CEP112: variants seen among roughly 807,000 people sequenced by gnomAD.
CEP112 encodes centrosomal protein 112.
A neutral mutation model predicts 153.0 loss-of-function variants in CEP112; 127 were observed. That is an observed-to-expected ratio of 0.83 (90% confidence interval 0.72 to 0.96). CEP112 has a LOEUF of 0.96. CEP112 is among the 40% of genes least tolerant of loss of function. The pLI is 0.00. For missense variants in CEP112, 1,089 were observed against 1,101.2 expected (o/e 0.99, Z 0.16); for synonymous variants, 358 against 374.4 (o/e 0.96, Z 0.51).
intron 17 of CEP112, among the ~76,000 whole-genome samples, chr17:65,994,599 G>A (rs2145299499): frequency 6.6e-6 from 1 of 152,274 alleles, no homozygotes; most frequent in East Asian, 1.9e-4. Flanking sequence ...AAAGTGCTGG[G>A]ATTTCAGACA....
At chr17:65,878,119 T>G (rs2058905852) in intron 20 of CEP112, among the ~76,000 whole-genome samples, 1 of 152,124 alleles carries the variant, frequency 6.6e-6, no homozygotes, top group Non-Finnish European at 1.5e-5. Flanking sequence ...TATACCAATG[T>G]GACTATAATT....
intron 20 of CEP112, among the ~76,000 whole-genome samples, chr17:65,853,174 T>C (rs956393456): frequency 3.9e-5 from 6 of 152,148 alleles, no homozygotes; most frequent in Non-Finnish European, 7.3e-5. Flanking sequence ...AATCAAGGTG[T>C]TGGCAGAGTT....
chr17:65,778,021 C>A (rs907790719), intron 21 of CEP112, among the ~76,000 whole-genome samples: 1 of 152,000 alleles, frequency 6.6e-6, no homozygotes, highest in East Asian at 1.9e-4. Context: ...CTACCTCAAT[C>A]ATTAGCCCAT....
intron 4 of CEP112, among the ~76,000 whole-genome samples, chr17:66,150,520 C>T (rs140526702): frequency 0.034 from 5,204 of 152,292 alleles, 135 homozygotes; most frequent in Middle Eastern, 0.061. Context: ...CGTGAGCCAT[C>T]GCACCCAGCC....
chr17:65,870,069 G>GAAAGAAAGAAAGAAAAGA lies in CEP112; in HGVS notation c.2164-18053_2164-18036dup, dbSNP rs1598835290. ...AGAAAGAAAGAAAGAAAGAAAGAAA[G>GAAAGAAAGAAAGAAAAGA]AAAGAAAGAAAGAAAAGAAAGAAAG... is the stretch of plus-strand genomic sequence containing the variant. On this transcript the variant is annotated intron_variant, in intron 20 of 26. Coordinates refer to ENST00000535342, the MANE Select transcript of CEP112 (RefSeq NM_001199165.4). Among the ~76,000 whole-genome samples, 3 of 142,958 alleles carry GAAAGAAAGAAAGAAAAGA rather than the reference G, an allele frequency of 2.1e-5. No homozygotes were observed. In the East Asian group the frequency reaches 6.0e-4, roughly 29 times the overall value. 93.8% of individuals were successfully genotyped at this position (142,958 alleles called of 152,430 possible). A position where few individuals can be genotyped will look rare whatever the true frequency, so the allele number is the denominator to read the frequency against.
chr17:66,147,398 C>T (rs905862431), intron 4 of CEP112, among the ~76,000 whole-genome samples: 2 of 152,044 alleles, frequency 1.3e-5, no homozygotes, highest in African/African-American at 4.8e-5. Context: ...ATATTAACCC[C>T]TTTTCAAATA....
chr17:65,879,607 A>C (rs1568160142), intron 20 of CEP112, among the ~76,000 whole-genome samples: 1 of 152,192 alleles, frequency 6.6e-6, no homozygotes, highest in African/African-American at 2.4e-5. Context: ...ATGAAAGATA[A>C]ACAGAAAAAC....
intron 21 of CEP112, among the ~76,000 whole-genome samples, chr17:65,824,764 G>C (rs2056756964): frequency 6.6e-6 from 1 of 152,170 alleles, no homozygotes; most frequent in South Asian, 2.1e-4. Flanking sequence ...ACTGTTATCT[G>C]TGGTGGGAGA....
At chr17:65,900,140 T>G (rs1229991295) in intron 20 of CEP112, among the ~76,000 whole-genome samples, 1 of 152,184 alleles carries the variant, frequency 6.6e-6, no homozygotes, top group Non-Finnish European at 1.5e-5. Context: ...GATAAGATTT[T>G]TTAAAGTACA....
At chr17:65,714,096 T>C (rs2049356059) in intron 23 of CEP112, among the ~76,000 whole-genome samples, 2 of 151,958 alleles carry the variant, frequency 1.3e-5, no homozygotes, top group African/African-American at 4.8e-5. Context: ...TCCTCTACCT[T>C]CCCCTCTTCA....
At chr17:65,730,812 C>T (rs1337788194) in intron 23 of CEP112, among the ~76,000 whole-genome samples, 2 of 134,000 alleles carry the variant, frequency 1.5e-5, no homozygotes, top group Non-Finnish European at 3.1e-5. Flanking sequence ...GACCAGATTG[C>T]TAGATGTCCT....
intron 8 of CEP112, among the ~76,000 whole-genome samples, chr17:66,086,553 G>A (rs889744151): frequency 1.3e-5 from 2 of 151,324 alleles, no homozygotes; most frequent in African/African-American, 2.4e-5. Context: ...ACAGGCACCC[G>A]CCACCATGCC....
intron 19 of CEP112, among the ~76,000 whole-genome samples, chr17:65,902,889 C>A (rs544462075): frequency 3.3e-5 from 5 of 152,130 alleles, no homozygotes; most frequent in African/African-American, 1.2e-4. Context: ...CAGAAGGGCA[C>A]CTGCTGTGCT....
intron 21 of CEP112, chr17:65,826,306 T>A (rs1365225305): frequency 6.2e-7 from 1 of 1,614,068 alleles, no homozygotes; most frequent in South Asian, 1.1e-5. Context: ...ACATCTTCGT[T>A]GACCCCCATT....
intron 17 of CEP112, among the ~76,000 whole-genome samples, chr17:66,002,924 C>G (rs1397332221): frequency 6.6e-6 from 1 of 152,144 alleles, no homozygotes; most frequent in Non-Finnish European, 1.5e-5. Flanking sequence ...AGGCAAATTT[C>G]TACATCACAA....
rs951640000 is a variant in CEP112, at chr17:65,905,636, A to G, written c.1981-3302T>C. The stretch of plus-strand genomic sequence containing the variant: ...AGGATTTTAAATCATTCTACTATAA[A>G]GACACATGCATGGCTGGGTACGGTG... On this transcript the variant is annotated intron_variant, in intron 19 of 26. Transcript: ENST00000535342. 2.6e-5 allele frequency among the ~76,000 whole-genome samples: 4 copies of G among 152,220 alleles called. No homozygotes were observed. The East Asian group carries it at 7.7e-4, about 29-fold the overall frequency.
At chr17:66,078,662 T>C (rs1166151909) in intron 8 of CEP112, among the ~76,000 whole-genome samples, 3 of 152,318 alleles carry the variant, frequency 2.0e-5, no homozygotes, top group African/African-American at 4.8e-5. Flanking sequence ...CTGCATACTT[T>C]GGGTTTTTTT....
chr17:65,799,026 T>C (rs376891526), intron 21 of CEP112, among the ~76,000 whole-genome samples: 3 of 152,332 alleles, frequency 2.0e-5, no homozygotes, highest in East Asian at 3.9e-4. Context: ...GTCAAAGGTA[T>C]AATACACATA....
At chr17:65,773,360 C>T (rs192236415) in intron 21 of CEP112, among the ~76,000 whole-genome samples, 246 of 152,248 alleles carry the variant, frequency 1.6e-3, no homozygotes, top group African/African-American at 5.7e-3. Flanking sequence ...GAAATTTGAC[C>T]CTGTCCCTTC....
Sources: gnomAD v4.1 joint callset for allele counts (sites outside exome capture counted in the v4.1 genomes callset) on GRCh38, gnomAD v4.1.1 for gene constraint, MANE v1.5 for transcripts, NCBI Gene and HGNC (gene_info 2026-07-23, HGNC 2026-07-21) for gene names.